HRH1: variants seen among roughly 807,000 people sequenced by gnomAD.
HRH1 encodes the protein histamine receptor H1, also known as histamine H1 receptor.
A neutral mutation model predicts 10.3 loss-of-function variants in HRH1; 6 were observed. The observed-to-expected ratio is 0.58, with a 90% confidence interval of 0.32 to 1.15. HRH1 has a LOEUF of 1.15. Ranked by LOEUF, HRH1 falls within the 50% of genes most tolerant of loss-of-function variation. The pLI is 0.05. For synonymous variants in HRH1, 242 were observed against 236.7 expected, an observed-to-expected ratio of 1.02 and a Z score of -0.21; for missense variants, 514 against 615.3, an observed-to-expected ratio of 0.84 and a Z score of 1.74.
rs1937405411 is a variant in HRH1 at position 11,183,903 on chromosome 3, A to G, written c.-36+29349A>G. Among the ~76,000 whole-genome samples the G allele has an allele frequency of 4.1e-5, 5 of 122,398 alleles. No individual in the cohort carries two copies. The South Asian group carries it at 1.2e-3, about 31-fold the overall frequency. The allele number at this position is 122,398 out of a possible 152,430, so 80.3% of individuals were successfully genotyped here. A position where few individuals can be genotyped will look rare whatever the true frequency, so the allele number is the denominator to read the frequency against. Reference sequence around the variant, plus strand: ...TTAAAGCACTGGCCATCTTATTCCCATGGCAGGTCCTTGCTGCTCAGAGAG... The same window carrying G: ...TTAAAGCACTGGCCATCTTATTCCCGTGGCAGGTCCTTGCTGCTCAGAGAG... On this transcript the variant is annotated intron_variant, in intron 1 of 1. Coordinates refer to ENST00000431010, the MANE Select transcript of HRH1 (RefSeq NM_001098212.2).
At chr3:11,231,554 G>A (rs559198492) in intron 1 of HRH1, among the ~76,000 whole-genome samples, 4 of 152,274 alleles carry the variant, frequency 2.6e-5, no homozygotes, top group Non-Finnish European at 4.4e-5. Context: ...GTGATATCTC[G>A]TTGTGGTTTT....
chr3:11,242,307 C>T (rs555783422), intron 1 of HRH1, among the ~76,000 whole-genome samples: 321 of 151,990 alleles, frequency 2.1e-3, no homozygotes, highest in Non-Finnish European at 3.8e-3. Context: ...TGGTGAAACC[C>T]CGTCTCTACT....
intron 1 of HRH1, among the ~76,000 whole-genome samples, chr3:11,182,613 G>A (rs935603735): frequency 2.6e-5 from 4 of 152,254 alleles, no homozygotes; most frequent in African/African-American, 4.8e-5. Flanking sequence ...GCGCAGCTGC[G>A]TGCCTGTGGG....
Position 11,261,521 on chromosome 3 carries a change from A to G in HRH1, c.*1020A>G, listed in dbSNP as rs1939956526. On this transcript the variant is annotated 3_prime_UTR_variant, in exon 2 of 2. Transcript: ENST00000431010. Reference sequence around the variant, plus strand: ...CTCTGGGGTTTCAGCTTATTGTAGCATATTTTCTCCGAAAGGCAAAAATGT... The same window carrying G: ...CTCTGGGGTTTCAGCTTATTGTAGCGTATTTTCTCCGAAAGGCAAAAATGT... The G allele has an allele frequency of 6.0e-6, 1 of 167,114 alleles. No homozygotes were observed. The highest frequency in any genetic ancestry group is 1.5e-5 in the Non-Finnish European group (1 of 68,122). 10.4% of individuals were successfully genotyped at this position (167,114 alleles called of 1,614,324 possible). A position where few individuals can be genotyped will look rare whatever the true frequency, so the allele number is the denominator to read the frequency against.
At chr3:11,215,366 A>G (rs1390753800) in intron 1 of HRH1, among the ~76,000 whole-genome samples, 3 of 152,232 alleles carry the variant, frequency 2.0e-5, no homozygotes, top group East Asian at 1.9e-4. Context: ...TACTCATTGT[A>G]CAACTGAATA....
intron 1 of HRH1, among the ~76,000 whole-genome samples, chr3:11,172,742 C>G (rs558919840): frequency 2.0e-5 from 3 of 148,260 alleles, no homozygotes; most frequent in Admixed American, 6.8e-5. Context: ...TCGCTCTGTC[C>G]CCCAGGCTGA....
chr3:11,241,941 G>A (rs1939354375), intron 1 of HRH1, among the ~76,000 whole-genome samples: 2 of 152,132 alleles, frequency 1.3e-5, no homozygotes, highest in Admixed American at 1.3e-4. Flanking sequence ...GTACCAGTGG[G>A]CGCTCTCTAA....
chr3:11,154,490 G>GC (rs1936732163), upstream of HRH1: 1 of 396 alleles, frequency 2.5e-3, no homozygotes, highest in Non-Finnish European at 0.014. This position sits in a 1 kb window ranked among gnomAD's most constrained non-coding sequence, Gnocchi z 4.4. Flanking sequence ...CGCCGCCCCC[G>GC]CGACACCCAG....
intron 1 of HRH1, among the ~76,000 whole-genome samples, chr3:11,181,370 T>C (rs1210111909): frequency 1.3e-5 from 2 of 152,202 alleles, no homozygotes; most frequent in Non-Finnish European, 2.9e-5. Flanking sequence ...CTGAGTCATA[T>C]TGAGGAATTT....
intron 1 of HRH1, among the ~76,000 whole-genome samples, chr3:11,185,463 CTG>C (rs565382317): frequency 6.6e-6 from 1 of 152,090 alleles, no homozygotes; most frequent in South Asian, 2.1e-4. Flanking sequence ...TGAGCAAGAA[CTG>C]TGTCTCACCT....
At chr3:11,170,109 G>A (rs893434017) in intron 1 of HRH1, among the ~76,000 whole-genome samples, 1 of 152,158 alleles carries the variant, frequency 6.6e-6, no homozygotes, top group Non-Finnish European at 1.5e-5. Context: ...CTGCCACCAC[G>A]AACGAGCTGT....
At chr3:11,163,874 T>G (rs1200596231) in intron 1 of HRH1, among the ~76,000 whole-genome samples, 1 of 152,100 alleles carries the variant, frequency 6.6e-6, no homozygotes, top group Non-Finnish European at 1.5e-5. Context: ...AAGGCTGGAT[T>G]AGGATCCTTC....
At chr3:11,178,274 GAC>G (rs1937283806) in intron 1 of HRH1, among the ~76,000 whole-genome samples, 1 of 152,272 alleles carries the variant, frequency 6.6e-6, no homozygotes, top group East Asian at 1.9e-4. Context: ...TCTCCTCTGT[GAC>G]ACACACATTG....
Position 11,259,846 on chromosome 3 carries a change from G to A in HRH1, c.809G>A (p.Gly270Glu), listed in dbSNP as rs7651620. Residue 270 changes from glycine to glutamate, a missense_variant, in exon 2 of 2, where the codon GGA becomes GAA. Gly to Glu is a moderately conservative substitution (Grantham distance 98). Coordinates refer to ENST00000431010, the MANE Select transcript of HRH1 (RefSeq NM_001098212.2). The surrounding 1 kb of genome is among the most constrained non-coding windows in gnomAD (Gnocchi z 4.6). ...LKRKPKDAGGGSVLKSPSQTP... is the reference protein window; with the variant it reads ...LKRKPKDAGGESVLKSPSQTP... ...AGGAAGCCAAAAGATGCTGGTGGTG[G>A]ATCTGTCTTGAAGTCACCATCCCAA... is the stretch of plus-strand genomic sequence containing the variant. 2.7e-3 allele frequency: 4,421 copies of A among 1,614,006 alleles called. 119 individuals are homozygous for A. In the African/African-American group the frequency reaches 0.052, roughly 19 times the overall value.
intron 1 of HRH1, among the ~76,000 whole-genome samples, chr3:11,247,361 T>G (rs1189764271): frequency 1.3e-5 from 2 of 152,172 alleles, no homozygotes; most frequent in African/African-American, 4.8e-5. Context: ...CTTGCACCAG[T>G]CACGATCGCA....
At chr3:11,233,521 C>T (rs1165754259) in intron 1 of HRH1, among the ~76,000 whole-genome samples, 1 of 152,120 alleles carries the variant, frequency 6.6e-6, no homozygotes, top group African/African-American at 2.4e-5. Flanking sequence ...AGGTCCCCAC[C>T]TCTCAAGAAC....
intron 1 of HRH1, among the ~76,000 whole-genome samples, chr3:11,202,315 G>T (rs1171730600): frequency 6.6e-6 from 1 of 151,788 alleles, no homozygotes; most frequent in Non-Finnish European, 1.5e-5. Context: ...TGAGGCAGGA[G>T]AATCACTTGA....
At chr3:11,254,634 C>A (rs372884900) in intron 1 of HRH1, among the ~76,000 whole-genome samples, 2 of 152,188 alleles carry the variant, frequency 1.3e-5, no homozygotes, top group African/African-American at 4.8e-5. Context: ...TTGAGGCCAC[C>A]GCAACAAAGC....
chr3:11,184,865 C>T (rs1190552056), intron 1 of HRH1, among the ~76,000 whole-genome samples: 4 of 141,184 alleles, frequency 2.8e-5, no homozygotes, highest in South Asian at 2.2e-4. Context: ...TTGCAGTGAG[C>T]GGAGATCAGG....
Sources: allele counts gnomAD v4.1 joint callset (sites outside exome capture counted in the v4.1 genomes callset), GRCh38; gene constraint gnomAD v4.1.1; non-coding constraint Gnocchi (gnomAD v3.1); transcripts MANE v1.5; gene names NCBI Gene and HGNC (gene_info 2026-07-23, HGNC 2026-07-21).